Variants in DNAH3 observed in about 807,000 individuals in gnomAD.
DNAH3 encodes the protein dynein axonemal heavy chain 3, also known as axonemal beta dynein heavy chain 3.
In DNAH3, 332 loss-of-function variants were observed where a neutral mutation model predicts 432.5. The observed-to-expected ratio is 0.77, with a 90% CI of 0.70 to 0.84. The LOEUF (loss-of-function observed/expected upper bound fraction) is 0.84, where lower values mean the gene tolerates loss of function less well. Ranked by LOEUF, DNAH3 falls within the 40% of genes least tolerant of loss-of-function variation. DNAH3 has a pLI of 0.00. For missense variants in DNAH3, 4,861 were observed against 5,114.0 expected, an observed-to-expected ratio of 0.95 and a Z score of 1.51; for synonymous variants, 1,956 against 1,900.2, an observed-to-expected ratio of 1.03 and a Z score of -0.76.
At chr16:21,026,936 C>A (rs552927451) in intron 38 of DNAH3, 91 bp downstream of exon 38, 43 of 868,344 alleles carry the variant, frequency 5.0e-5, no homozygotes, top group Admixed American at 2.2e-4. Flanking sequence ...GCGAGGGCTT[C>A]ATCACATTTG....
intron 55 of DNAH3, among the ~76,000 whole-genome samples, chr16:20,953,989 T>C (rs1395738252): frequency 1.3e-5 from 2 of 152,072 alleles, no homozygotes; most frequent in East Asian, 1.9e-4. Context: ...CAGAATTTTC[T>C]TCCTCTTTAA....
intron 41 of DNAH3, among the ~76,000 whole-genome samples, chr16:21,004,434 C>G (rs1321757450): frequency 1.3e-5 from 2 of 151,968 alleles, no homozygotes; most frequent in Non-Finnish European, 2.9e-5. Flanking sequence ...GTGACATGAT[C>G]TCGGCTCACT....
intron 42 of DNAH3, 95 bp downstream of exon 42, chr16:21,003,008 TA>T: frequency 1.2e-6 from 1 of 868,124 alleles, no homozygotes; most frequent in Non-Finnish European, 1.9e-6. Flanking sequence ...AGAAAGCCCT[TA>T]AAACTCCTCG....
intron 30 of DNAH3, 54 bp downstream of exon 30, chr16:21,049,856 A>T: frequency 6.8e-7 from 1 of 1,469,882 alleles, no homozygotes; most frequent in Non-Finnish European, 9.5e-7. Flanking sequence ...TTCCCACAGG[A>T]GGGGTGCAGA....
At chr16:21,076,581 G>A (rs2090983828) in intron 20 of DNAH3, among the ~76,000 whole-genome samples, 1 of 152,180 alleles carries the variant, frequency 6.6e-6, no homozygotes. Context: ...AATCTTTAAG[G>A]AAGGAGATAG....
intron 27 of DNAH3, among the ~76,000 whole-genome samples, chr16:21,057,351 T>C (rs143375350): frequency 1.3e-5 from 2 of 152,364 alleles, no homozygotes; most frequent in African/African-American, 4.8e-5. Flanking sequence ...AATATAATAG[T>C]GAGCAGAGCA....
chr16:21,071,557 G>A (rs73540433), intron 21 of DNAH3, among the ~76,000 whole-genome samples: 3,590 of 152,126 alleles, frequency 0.024, 147 homozygotes, highest in African/African-American at 0.081. Flanking sequence ...TGTCTTGCAG[G>A]GAATAGGACT....
chr16:20,945,044 T>A (rs568883448), intron 57 of DNAH3, among the ~76,000 whole-genome samples: 3 of 152,130 alleles, frequency 2.0e-5, no homozygotes, highest in African/African-American at 7.2e-5. Context: ...TGACACCTAG[T>A]GGGCTGCATT....
At chr16:20,987,305 C>T (rs759152942) in exon 47 of DNAH3, 44 of 1,613,560 alleles carry the variant, frequency 2.7e-5, no homozygotes, top group Admixed American at 1.3e-4. Context: ...TCTGGTTTAC[C>T]TTCTCTATGG....
chr16:21,063,829 A>C (rs1184866446), intron 24 of DNAH3, among the ~76,000 whole-genome samples: 4 of 152,192 alleles, frequency 2.6e-5, no homozygotes, highest in Non-Finnish European at 5.9e-5. Flanking sequence ...AATGTGAGCC[A>C]CTGCACTCAG....
chr16:21,120,491 T>G, intron 11 of DNAH3: 1 of 561,734 alleles, frequency 1.8e-6, no homozygotes, highest in South Asian at 2.1e-5. Context: ...TTCTTAAAGA[T>G]TTTTCTTAGT....
At position 20,935,435 on chromosome 16, in the gene DNAH3, G is replaced by T. The variant is rs2083552192; in HGVS notation, c.11910C>A (p.Tyr3970Ter). 1 of 1,612,762 alleles carries T rather than the reference G, an allele frequency of 6.2e-7. No individual in the cohort carries two copies. The highest frequency in any genetic ancestry group is 8.5e-7 in the Non-Finnish European group (1 of 1,179,734). Residue 3970 changes from tyrosine (Y) to a stop codon, truncating the protein, a stop_gained, in exon 61 of 62, where the codon TAC becomes TAA. Coordinates refer to ENST00000261383, the Ensembl canonical transcript of DNAH3. LOFTEE classifies it high-confidence loss of function. ...CGCCAGTCAAAAAAGACTGTGTGAA[G>T]TAGAATCCAGAGATCCAAAATACCA...
intron 1 of DNAH3, among the ~76,000 whole-genome samples, chr16:21,153,536 C>G (rs533515210): frequency 8.5e-5 from 13 of 152,292 alleles, no homozygotes; most frequent in Admixed American, 4.6e-4. Context: ...GCAGGCTGCC[C>G]GGGCCAGCAG....
intron 59 of DNAH3, among the ~76,000 whole-genome samples, chr16:20,937,310 A>G (rs1333662436): frequency 2.0e-5 from 3 of 151,982 alleles, no homozygotes; most frequent in Non-Finnish European, 4.4e-5. Flanking sequence ...GTGCATCACC[A>G]TGCCTGTCCT....
intron 3 of DNAH3, 21 bp downstream of exon 4, chr16:21,145,160 G>A (rs1249901192): frequency 6.3e-7 from 1 of 1,579,034 alleles, no homozygotes. Context: ...TTCTGCAAGG[G>A]TGTGACACTG....
intron 18 of DNAH3, among the ~76,000 whole-genome samples, chr16:21,096,200 C>G (rs2091674593): frequency 1.3e-5 from 2 of 150,270 alleles, no homozygotes; most frequent in South Asian, 4.2e-4. Flanking sequence ...GTAAGCAGAT[C>G]ATAGCTTACT....
At chr16:21,101,207 T>C (rs1184455844) in intron 16 of DNAH3, among the ~76,000 whole-genome samples, 1 of 152,196 alleles carries the variant, frequency 6.6e-6, no homozygotes, top group Admixed American at 6.5e-5. Context: ...TGTTTTATAA[T>C]AAAGTGTTGA....
At chr16:20,964,523 A>T in exon 53 of DNAH3, 2 of 1,614,156 alleles carry the variant, frequency 1.2e-6, no homozygotes, top group Non-Finnish European at 1.7e-6. Flanking sequence ...GGGGTGCCTA[A>T]CTGCAGCGCG....
rs192796062 is a variant in DNAH3 at position 21,150,015 on chromosome 16, C to T, written c.118-3927G>A. The stretch of plus-strand genomic sequence containing the variant: ...CTGAGGCAGGCGGATCTCCTGAGAT[C>T]GGGAGTTCAAGACCAGCCTGACCAA... On this transcript the variant is annotated intron_variant, in intron 1 of 61. Transcript: ENST00000261383. 1.4e-4 allele frequency among the ~76,000 whole-genome samples: 22 copies of T among 152,124 alleles called. No homozygotes were observed. The East Asian group carries it at 4.1e-3, about 28-fold the overall frequency.
Sources: allele counts gnomAD v4.1 joint callset (sites outside exome capture counted in the v4.1 genomes callset), GRCh38; gene constraint gnomAD v4.1.1; transcripts MANE v1.5; gene names NCBI Gene and HGNC (gene_info 2026-07-23, HGNC 2026-07-21).